Variants in TRMT2B observed in about 807,000 individuals in gnomAD.
TRMT2B encodes the protein tRNA (uracil-5-)-methyltransferase homolog B.
Under a neutral mutation model 39.7 loss-of-function variants are expected in TRMT2B, and 34 were observed. That is an observed-to-expected ratio of 0.86 (90% CI 0.65 to 1.14). The LOEUF (loss-of-function observed/expected upper bound fraction) is 1.14, where lower values mean the gene tolerates loss of function less well. Ranked by LOEUF, TRMT2B falls within the 50% of genes most tolerant of loss-of-function variation. The probability of loss-of-function intolerance (pLI) is 0.00; values close to 1 mark genes in which losing one functional copy is unlikely to be tolerated. For synonymous variants in TRMT2B, 132 were observed against 137.3 expected, an observed-to-expected ratio of 0.96 and a Z score of 0.27; for missense variants, 318 against 377.2, an observed-to-expected ratio of 0.84 and a Z score of 1.30.
the TRMT2B span, among the ~76,000 whole-genome samples, chrX:100,982,177 A>T: frequency 3.3e-4 from 37 of 110,978 alleles, no homozygotes; most frequent in East Asian, 9.4e-3. Context: ...AGATCTATGG[A>T]CTCAAACCTT....
chrX:101,048,461 AAAC>A (rs1409443108), intron 2 of TRMT2B, among the ~76,000 whole-genome samples: 2 of 111,172 alleles, frequency 1.8e-5, no homozygotes, highest in Non-Finnish European at 3.8e-5. Context: ...AAAAAAAAAA[AAAC>A]AGTCTTACTT....
the TRMT2B span, among the ~76,000 whole-genome samples, chrX:100,981,960 A>G: frequency 2.7e-5 from 3 of 109,735 alleles, no homozygotes; most frequent in Admixed American, 2.0e-4. Flanking sequence ...TGGCCATCTT[A>G]TGCCGCCATC....
In TRMT2B at chrX:101,051,887, G is replaced by T; in HGVS notation, c.-577C>A. 1 of 186,166 alleles carries T rather than the reference G, an allele frequency of 5.4e-6. No homozygotes were observed. Among genetic ancestry groups the T allele is most frequent in the Non-Finnish European group, 8.4e-6 (1 of 119,737 alleles). 15.3% of individuals were successfully genotyped at this position (186,166 alleles called of 1,213,427 possible). On this transcript the variant is annotated 5_prime_UTR_variant, in exon 1 of 14. Coordinates refer to ENST00000372936, the MANE Select transcript of TRMT2B (RefSeq NM_024917.6). The stretch of plus-strand genomic sequence containing the variant: ...GGCGGGGAAACAGTCACTTCCTGGT[G>T]CGCAAGGCGCCTCTACTCCCGCCGC...
At chrX:100,987,091 G>A in the TRMT2B span, among the ~76,000 whole-genome samples, 13 of 111,483 alleles carry the variant, frequency 1.2e-4, no homozygotes, top group African/African-American at 4.2e-4. Context: ...TTCTGTAAAG[G>A]GGACACATGA....
chrX:101,017,868 C>G (rs1044248401), intron 13 of TRMT2B, among the ~76,000 whole-genome samples: 1 of 112,056 alleles, frequency 8.9e-6, no homozygotes, highest in Non-Finnish European at 1.9e-5. Flanking sequence ...GCAGATCCCA[C>G]CTTTCCCACC....
chrX:100,990,253 T>G, the TRMT2B span: 4 of 701,112 alleles, frequency 5.7e-6, no homozygotes, highest in Non-Finnish European at 6.9e-6. Context: ...CCTCCTACCA[T>G]GAAATGGTCT....
the TRMT2B span, among the ~76,000 whole-genome samples, chrX:100,994,305 G>T: frequency 9.0e-6 from 1 of 111,674 alleles, no homozygotes. Context: ...TTGCCTTGGG[G>T]TTTCTTTTCT....
chrX:101,049,222 G>A (rs2088888354), intron 2 of TRMT2B, among the ~76,000 whole-genome samples: 1 of 111,065 alleles, frequency 9.0e-6, no homozygotes, highest in African/African-American at 3.3e-5. Context: ...GCCGGGTGCA[G>A]TGGCTTACAA....
At chrX:100,986,054 C>T in the TRMT2B span, 11 of 740,592 alleles carry the variant, frequency 1.5e-5, no homozygotes, top group Admixed American at 3.3e-4. Flanking sequence ...TAGAGCGGCC[C>T]AATTTTCTGA....
At chrX:100,990,839 C>G in the TRMT2B span, 157 of 309,041 alleles carry the variant, frequency 5.1e-4, no homozygotes, top group African/African-American at 3.8e-3. Context: ...GAATTATGCT[C>G]TACTGAATCA....
chrX:101,010,904 A>G (rs2086220343), intron 13 of TRMT2B, among the ~76,000 whole-genome samples, 197 bp from the exon 14 acceptor site: 1 of 111,990 alleles, frequency 8.9e-6, no homozygotes, highest in South Asian at 3.7e-4. Context: ...TTAAGGGTAG[A>G]AATGAAGTAA....
intron 2 of TRMT2B, 139 bp downstream of exon 2, chrX:101,051,112 C>T (rs1349853154): frequency 1.8e-5 from 3 of 164,916 alleles, no homozygotes; most frequent in Non-Finnish European, 2.9e-5. Flanking sequence ...TGTGAGCAGT[C>T]GTGCTCGACT....
intron 2 of TRMT2B, among the ~76,000 whole-genome samples, chrX:101,050,986 G>A (rs1328244965): frequency 9.2e-6 from 1 of 108,983 alleles, no homozygotes; most frequent in Non-Finnish European, 1.9e-5. Context: ...AGGTTGCAGT[G>A]AGCCGAGATC....
chrX:101,027,460 T>C (rs945069339), intron 7 of TRMT2B, among the ~76,000 whole-genome samples: 5 of 108,770 alleles, frequency 4.6e-5, no homozygotes, highest in Non-Finnish European at 7.6e-5. Flanking sequence ...GTCAGGCTGG[T>C]CTTGATCTCC....
the TRMT2B span, among the ~76,000 whole-genome samples, chrX:101,003,821 GT>G: frequency 9.0e-6 from 1 of 111,292 alleles, no homozygotes; most frequent in African/African-American, 3.3e-5. Flanking sequence ...GGGTGTTTTT[GT>G]TTTTGTTTTG....
At position 101,051,639 on chromosome X, in the gene TRMT2B, A is replaced by G. The variant is rs1450597463; in HGVS notation, c.-412T>C. On this transcript the variant is annotated 5_prime_UTR_variant, in exon 2 of 14. Coordinates refer to ENST00000372936, the MANE Select transcript of TRMT2B (RefSeq NM_024917.6). ...GGCACAGGCCCACGCTGGGCCGTAC[A>G]CGACCTTGCGCAGTCACCGTCGGGT... 6 of 753,499 alleles carry G rather than the reference A, an allele frequency of 8.0e-6. No individual in the cohort carries two copies. The Admixed American group carries it at 5.2e-4, about 65-fold the overall frequency. The allele number at this position is 753,499 out of a possible 1,213,427, so 62.1% of individuals were successfully genotyped here.
At chrX:101,027,380 C>T (rs939128963) in intron 7 of TRMT2B, among the ~76,000 whole-genome samples, 1 of 107,724 alleles carries the variant, frequency 9.3e-6, no homozygotes, top group Non-Finnish European at 1.9e-5. Context: ...TACAGGCGCA[C>T]GCCAACAAGC....
chrX:100,986,211 A>G, the TRMT2B span, among the ~76,000 whole-genome samples: 1 of 112,048 alleles, frequency 8.9e-6, no homozygotes, highest in Middle Eastern at 4.6e-3. Context: ...CCTGAAGACT[A>G]TCTTCCTGAA....
intron 13 of TRMT2B, among the ~76,000 whole-genome samples, chrX:101,016,427 GT>G (rs1420254677): frequency 4.5e-5 from 5 of 110,388 alleles, no homozygotes; most frequent in South Asian, 3.8e-4. Flanking sequence ...TCTGTGGCTT[GT>G]CTTTCACCTT....
Sources: allele counts gnomAD v4.1 joint callset (sites outside exome capture counted in the v4.1 genomes callset), GRCh38; gene constraint gnomAD v4.1.1; transcripts MANE v1.5; gene names NCBI Gene and HGNC (gene_info 2026-07-23, HGNC 2026-07-21).